Variants in CDK6 observed in about 807,000 individuals in gnomAD.
CDK6 encodes the protein cyclin dependent kinase 6, also known as cyclin-dependent kinase 6.
In CDK6, 6 loss-of-function variants were observed where a neutral mutation model predicts 37.1. That is an observed-to-expected ratio of 0.16 (90% confidence interval 0.09 to 0.32). The LOEUF is 0.32. CDK6 is among the 10% of genes least tolerant of loss of function. The pLI, the probability that CDK6 is intolerant of heterozygous loss-of-function variation, is 1.00. For missense variants in CDK6, 224 were observed against 418.9 expected, an observed-to-expected ratio of 0.53 and a Z score of 4.06; for synonymous variants, 160 against 161.3, an observed-to-expected ratio of 0.99 and a Z score of 0.06.
At chr7:92,729,799 G>C (rs371412887) in intron 3 of CDK6, among the ~76,000 whole-genome samples, 2 of 152,144 alleles carry the variant, frequency 1.3e-5, no homozygotes, top group African/African-American at 4.8e-5. Context: ...CCAGGCTGGA[G>C]TGCAGTGGTG....
chr7:92,770,751 C>T (rs1445436120), intron 3 of CDK6, among the ~76,000 whole-genome samples: 1 of 151,952 alleles, frequency 6.6e-6, no homozygotes, highest in Non-Finnish European at 1.5e-5. Flanking sequence ...TATCCAAGTA[C>T]TGCCCAACTA....
chr7:92,813,393 G>C (rs945037203), intron 2 of CDK6, among the ~76,000 whole-genome samples: 3 of 152,070 alleles, frequency 2.0e-5, no homozygotes, highest in African/African-American at 7.2e-5. Flanking sequence ...TTCCCTAACT[G>C]GTCCCCCACA....
intron 2 of CDK6, among the ~76,000 whole-genome samples, chr7:92,810,538 C>G (rs1392418780): frequency 6.6e-6 from 1 of 152,152 alleles, no homozygotes; most frequent in African/African-American, 2.4e-5. Context: ...ATTAACAGCA[C>G]TTAAGAAGTA....
chr7:92,749,136 T>C (rs1054437889), intron 3 of CDK6, among the ~76,000 whole-genome samples: 3 of 149,722 alleles, frequency 2.0e-5, no homozygotes, highest in Admixed American at 6.7e-5. Context: ...GAGGCGGAGG[T>C]TGTGGTGAGC....
At chr7:92,672,184 G>T (rs13242237) in intron 4 of CDK6, among the ~76,000 whole-genome samples, 706 of 43,860 alleles carry the variant, frequency 0.016, 4 homozygotes, top group Non-Finnish European at 0.019. Flanking sequence ...CACACACACA[G>T]ACACATACAC....
At chr7:92,807,478 A>G (rs768680446) in intron 2 of CDK6, among the ~76,000 whole-genome samples, 8 of 151,782 alleles carry the variant, frequency 5.3e-5, no homozygotes, top group Non-Finnish European at 7.4e-5. Context: ...ATATATCTAC[A>G]TAATTATATG....
At position 92,668,747 on chromosome 7, in the gene CDK6, C is replaced by T. The variant is rs148893231; in HGVS notation, c.647+2679G>A. ...AACCAGGTCAAGCTGGTGATGGACC[C>T]CAGAACTCATCTGGCATAAGTAAGA... On this transcript the variant is annotated intron_variant, in intron 5 of 7. Transcript: ENST00000424848. 2.6e-3 allele frequency among the ~76,000 whole-genome samples: 400 copies of T among 152,166 alleles called. 2 individuals carry two copies. Among genetic ancestry groups the T allele is most frequent in the African/African-American group, 9.4e-3 (389 of 41,506 alleles).
intron 5 of CDK6, among the ~76,000 whole-genome samples, chr7:92,657,786 G>C (rs1796730179): frequency 6.6e-6 from 1 of 152,112 alleles, no homozygotes; most frequent in South Asian, 2.1e-4. Flanking sequence ...TGTAATCATA[G>C]CTCACTGCAG....
chr7:92,728,026 A>G (rs1375306859), intron 3 of CDK6, among the ~76,000 whole-genome samples: 1 of 152,262 alleles, frequency 6.6e-6, no homozygotes. Flanking sequence ...AACAGTATAA[A>G]GAATAAATCT....
intron 2 of CDK6, among the ~76,000 whole-genome samples, chr7:92,831,612 G>A (rs901130571): frequency 6.6e-6 from 1 of 152,158 alleles, no homozygotes; most frequent in Non-Finnish European, 1.5e-5. Context: ...ATGAAAAAAA[G>A]TCATCTATAG....
chr7:92,774,455 T>A (rs2115781862), intron 3 of CDK6, among the ~76,000 whole-genome samples: 1 of 152,282 alleles, frequency 6.6e-6, no homozygotes, highest in Admixed American at 6.5e-5. Context: ...AACTAAAGGT[T>A]TTTTTTTCCA....
chr7:92,812,610 G>A (rs1357426575), intron 2 of CDK6, among the ~76,000 whole-genome samples: 2 of 151,902 alleles, frequency 1.3e-5, no homozygotes, highest in Non-Finnish European at 2.9e-5. Flanking sequence ...ATTTTTTGTA[G>A]AAATGAGGTC....
chr7:92,806,233 T>C (rs924751124), intron 2 of CDK6, among the ~76,000 whole-genome samples: 6 of 152,178 alleles, frequency 3.9e-5, no homozygotes, highest in African/African-American at 1.4e-4. Context: ...CCTAGATAGT[T>C]GGGGCTTTTC....
intron 4 of CDK6, among the ~76,000 whole-genome samples, chr7:92,698,065 A>T (rs1797761254): frequency 6.7e-6 from 1 of 149,004 alleles, no homozygotes; most frequent in Non-Finnish European, 1.5e-5. Context: ...ATCTTGTCTT[A>T]AAAAAAAAAC....
rs1285547704 is a variant in CDK6, at chr7:92,606,578, T to C, written c.*8562A>G. On this transcript the variant is annotated 3_prime_UTR_variant, in exon 8 of 8. Coordinates refer to ENST00000424848, the MANE Select transcript of CDK6 (RefSeq NM_001145306.2). ...ATGAGTATCTGATATACACAATTTC[T>C]ACATTTCTAGAACCATGATTTCAAA... is the stretch of plus-strand genomic sequence containing the variant. The C allele has an allele frequency of 4.3e-6, 1 of 233,068 alleles. No homozygotes were observed. Among genetic ancestry groups the C allele is most frequent in the Non-Finnish European group, 8.5e-6 (1 of 118,020 alleles). 14.4% of individuals were successfully genotyped at this position (233,068 alleles called of 1,614,324 possible). A position where few individuals can be genotyped will look rare whatever the true frequency, so the allele number is the denominator to read the frequency against.
chr7:92,675,814 A>G (rs1221561378), intron 4 of CDK6, among the ~76,000 whole-genome samples: 1 of 152,166 alleles, frequency 6.6e-6, no homozygotes, highest in Admixed American at 6.5e-5. Flanking sequence ...CGTAATGATA[A>G]AGGATTTTCC....
intron 5 of CDK6, among the ~76,000 whole-genome samples, chr7:92,665,965 C>T (rs1353423132): frequency 6.6e-6 from 1 of 152,202 alleles, no homozygotes; most frequent in African/African-American, 2.4e-5. Flanking sequence ...AAGAAGTCTT[C>T]AGAATAGGGG....
chr7:92,774,412 T>C lies in CDK6; in HGVS notation c.369+284A>G, dbSNP rs1014750791. 2.0e-5 allele frequency among the ~76,000 whole-genome samples: 3 copies of C among 152,214 alleles called. No homozygotes were observed. The South Asian group carries it at 6.2e-4, about 32-fold the overall frequency. ...CCTAAGGTCTAAGACAATCTACAAC[T>C]AAGTATTTTTAAATAATTTTAATAT... On this transcript the variant is annotated intron_variant, in intron 3 of 7. Coordinates refer to ENST00000424848, the MANE Select transcript of CDK6 (RefSeq NM_001145306.2).
In CDK6 at chr7:92,613,142, G is replaced by A. The variant is rs1321088859; in HGVS notation, c.*1998C>T. Reference sequence around the variant, plus strand: ...TCCTGTTCCTCAAGCTACTGAATTAGAACAATGTTAAGTAGTACAGCAATT... The same window carrying A: ...TCCTGTTCCTCAAGCTACTGAATTAAAACAATGTTAAGTAGTACAGCAATT... On this transcript the variant is annotated 3_prime_UTR_variant, in exon 8 of 8. Transcript: ENST00000424848. 4.3e-6 allele frequency: 1 copy of A among 232,938 alleles called. No individual in the cohort carries two copies. 14.4% of individuals were successfully genotyped at this position (232,938 alleles called of 1,614,324 possible). A position where few individuals can be genotyped will look rare whatever the true frequency, so the allele number is the denominator to read the frequency against.
Sources: allele counts gnomAD v4.1 joint callset (sites outside exome capture counted in the v4.1 genomes callset), GRCh38; gene constraint gnomAD v4.1.1; transcripts MANE v1.5; gene names NCBI Gene and HGNC (gene_info 2026-07-23, HGNC 2026-07-21).